The following ANK1 variants were observed in gnomAD, a reference collection of about 807,000 sequenced individuals.
ANK1 encodes the protein ankyrin-1.
In ANK1, 51 loss-of-function variants were observed where a neutral mutation model predicts 210.4. That is an observed-to-expected ratio of 0.24 (90% CI 0.19 to 0.31). The LOEUF is 0.31. Among genes scored for constraint, ANK1 ranks in the 10% least tolerant of loss-of-function variants. The pLI is 1.00. For missense variants in ANK1, 2,051 were observed against 2,504.4 expected, an observed-to-expected ratio of 0.82 and a Z score of 3.86; for synonymous variants, 967 against 1,025.9, an observed-to-expected ratio of 0.94 and a Z score of 1.10.
chr8:41,763,511 G>T (rs1247106259), intron 1 of ANK1, among the ~76,000 whole-genome samples: 2 of 152,086 alleles, frequency 1.3e-5, no homozygotes, highest in Admixed American at 1.3e-4. Context: ...TTCAATCCAG[G>T]GGTACCCCAC....
At chr8:41,800,947 A>C (rs1849770983), upstream of ANK1, among the ~76,000 whole-genome samples, 1 of 152,086 alleles carries the variant, frequency 6.6e-6, no homozygotes, top group South Asian at 2.1e-4. Context: ...TGTCTTGTTT[A>C]GTTTTGCCAT....
chr8:41,810,728 G>A (rs1040079358), intron 1 of ANK1, among the ~76,000 whole-genome samples: 5 of 152,224 alleles, frequency 3.3e-5, no homozygotes, highest in Non-Finnish European at 7.3e-5. Context: ...AGCCAAAAGC[G>A]CGGAGAACAG....
intron 2 of ANK1, among the ~76,000 whole-genome samples, chr8:41,755,980 A>G (rs534186390): frequency 5.9e-5 from 9 of 152,194 alleles, no homozygotes; most frequent in Admixed American, 1.3e-4. Flanking sequence ...TTTGCTTCTT[A>G]TCACACACCT....
At chr8:41,728,148 T>C in intron 3 of ANK1, 142 bp from the exon 4 acceptor site, 2 of 684,186 alleles carry the variant, frequency 2.9e-6, no homozygotes, top group Non-Finnish European at 5.1e-6. Flanking sequence ...CACACGTGTG[T>C]GCTTGACCCA....
intron 1 of ANK1, among the ~76,000 whole-genome samples, chr8:41,834,554 C>G (rs1807265083): frequency 6.6e-6 from 1 of 152,242 alleles, no homozygotes; most frequent in Non-Finnish European, 1.5e-5. Flanking sequence ...GGCCTGGCCT[C>G]TCCGCAGCGT....
chr8:41,662,009 A>C, intron 40 of ANK1, 68 bp from the exon 41 acceptor site: 2 of 1,567,704 alleles, frequency 1.3e-6, no homozygotes, highest in Non-Finnish European at 1.7e-6. Flanking sequence ...CTGTAATCTC[A>C]GCACTTTGGG....
chr8:41,752,843 G>A (rs1005152783), intron 2 of ANK1, among the ~76,000 whole-genome samples: 5 of 150,136 alleles, frequency 3.3e-5, no homozygotes, highest in East Asian at 3.9e-4. Flanking sequence ...TTTTCCATGC[G>A]GTAGCCAGTG....
intron 37 of ANK1, among the ~76,000 whole-genome samples, chr8:41,680,764 C>A (rs1815723105): frequency 1.3e-5 from 2 of 152,128 alleles, no homozygotes. Context: ...TGGTGGGAGT[C>A]ACTATGAAGC....
Position 41,663,726 on chromosome 8 carries a change from T to C in ANK1, c.5411A>G (p.Asn1804Ser). Reference protein sequence around the residue: ...TQVVQGNEFQNIPGEQVTEEQ... With the variant: ...TQVVQGNEFQSIPGEQVTEEQ... ...CTCTGTCACCTGCTCCCCTGGAATA[T>C]TCTGAAACTCATTCCCCTGGAATTA... is the stretch of plus-strand genomic sequence containing the variant. Residue 1804 changes from asparagine to serine, a missense_variant, in exon 40 of 43, where the codon AAT becomes AGT. By Grantham distance (46) the Asn-to-Ser change is conservative. Coordinates refer to ENST00000289734, the MANE Select transcript of ANK1 (RefSeq NM_000037.4). 1.9e-6 allele frequency: 3 copies of C among 1,613,856 alleles called. No individual in the cohort carries two copies. The highest frequency in any genetic ancestry group is 2.2e-5 in the South Asian group (2 of 91,072).
intron 2 of ANK1, among the ~76,000 whole-genome samples, chr8:41,754,632 G>C (rs1838630384): frequency 1.3e-5 from 2 of 152,220 alleles, no homozygotes; most frequent in South Asian, 4.1e-4. Flanking sequence ...CCCGGGACAA[G>C]AGCTTGCTTT....
At chr8:41,714,717 C>T (rs187044335) in intron 15 of ANK1, among the ~76,000 whole-genome samples, 16 of 152,136 alleles carry the variant, frequency 1.1e-4, no homozygotes, top group African/African-American at 3.9e-4. Flanking sequence ...TTAAGTTAGC[C>T]GGGCACGGTG....
In ANK1 at chr8:41,696,656, G is replaced by A. The variant is rs1554548486; in HGVS notation, c.2735+20C>T. 1.2e-6 allele frequency: 2 copies of A among 1,605,400 alleles called. No individual in the cohort carries two copies. Among genetic ancestry groups the A allele is most frequent in the South Asian group, 2.2e-5 (2 of 91,070 alleles). ...CGGAGATGGAGACAGGAGTCCCCGA[G>A]CCCTGCGCCCGCCACTCACCCTGTA... On this transcript the variant is annotated intron_variant, in intron 25 of 42. Transcript: ENST00000289734.
At chr8:41,777,929 G>C (rs1232360839) in intron 1 of ANK1, among the ~76,000 whole-genome samples, 1 of 152,068 alleles carries the variant, frequency 6.6e-6, no homozygotes, top group Non-Finnish European at 1.5e-5. Context: ...CAGGATTTCT[G>C]AAATAAGATA....
chr8:41,700,495 T>A lies in ANK1; in HGVS notation c.2462-947A>T, dbSNP rs375409120. On this transcript the variant is annotated intron_variant, in intron 22 of 42. Coordinates refer to ENST00000289734, the MANE Select transcript of ANK1 (RefSeq NM_000037.4). ...GAGCAGAATTGAAAGAAGGACCACA[T>A]TGAAGGCAGTTAAAGCGAGAGGCAT... is the stretch of plus-strand genomic sequence containing the variant. 1.4e-5 allele frequency: 23 copies of A among 1,600,476 alleles called. No homozygotes were observed. The African/African-American group carries it at 2.9e-4, about 20-fold the overall frequency.
At chr8:41,896,237 G>C (rs1421485697) in intron 1 of ANK1, 2 of 1,341,548 alleles carry the variant, frequency 1.5e-6, no homozygotes, top group African/African-American at 1.6e-5. Flanking sequence ...CTCGGGTGCC[G>C]CCAACTCCGC....
At chr8:41,782,355 A>G (rs913110012) in intron 1 of ANK1, among the ~76,000 whole-genome samples, 3 of 152,176 alleles carry the variant, frequency 2.0e-5, no homozygotes, top group African/African-American at 7.2e-5. Context: ...TTGGGTGGGT[A>G]TTTCAAACAG....
In ANK1 at chr8:41,704,526, T is replaced by C. The variant is rs1824024010; in HGVS notation, c.2098-54A>G. The C allele has an allele frequency of 6.8e-7, 1 of 1,479,728 alleles. No homozygotes were observed. Among genetic ancestry groups the C allele is most frequent in the Non-Finnish European group, 9.5e-7 (1 of 1,058,012 alleles). The allele number at this position is 1,479,728 out of a possible 1,614,324, so 91.7% of individuals were successfully genotyped here. A position where few individuals can be genotyped will look rare whatever the true frequency, so the allele number is the denominator to read the frequency against. ...GAGCTGTCCTGAGCTGGGCATCACA[T>C]GAAATCCTTCCCAAAGCAGCTGATT... On this transcript the variant is annotated intron_variant, in intron 18 of 42. Transcript: ENST00000289734. The surrounding 1 kb of genome is among the most constrained non-coding windows in gnomAD (Gnocchi z 4.1).
In ANK1 at chr8:41,654,243, G is replaced by T. The variant is rs969258749; in HGVS notation, c.*1547C>A. 5.9e-5 allele frequency: 9 copies of T among 152,718 alleles called. No homozygotes were observed. The highest frequency in any genetic ancestry group is 2.2e-4 in the African/African-American group (9 of 41,462). 9.5% of individuals were successfully genotyped at this position (152,718 alleles called of 1,614,324 possible). A position where few individuals can be genotyped will look rare whatever the true frequency, so the allele number is the denominator to read the frequency against. Reference sequence around the variant, plus strand: ...GGCCGGAGGCTCTAGTGGAACTTAAGGCTCCTCCCTGATGGCACCGAGGCG... The same window carrying T: ...GGCCGGAGGCTCTAGTGGAACTTAATGCTCCTCCCTGATGGCACCGAGGCG... On this transcript the variant is annotated 3_prime_UTR_variant, in exon 43 of 43. Transcript: ENST00000289734.
chr8:41,825,487 C>G (rs1218159979), intron 1 of ANK1, among the ~76,000 whole-genome samples: 2 of 152,192 alleles, frequency 1.3e-5, no homozygotes, highest in African/African-American at 4.8e-5. Flanking sequence ...ACCAACAGTT[C>G]AGTGTTTCCG....
Sources: allele counts gnomAD v4.1 joint callset (sites outside exome capture counted in the v4.1 genomes callset), GRCh38; gene constraint gnomAD v4.1.1; non-coding constraint Gnocchi (gnomAD v3.1); transcripts MANE v1.5; gene names NCBI Gene and HGNC (gene_info 2026-07-23, HGNC 2026-07-21).